Variants in KIAA0586 observed in about 807,000 individuals in gnomAD.
KIAA0586 encodes KIAA0586.
A neutral mutation model predicts 169.8 loss-of-function variants in KIAA0586; 144 were observed. The observed-to-expected ratio is 0.85, with a 90% confidence interval of 0.74 to 0.97. The LOEUF is 0.97. KIAA0586 is among the 50% of genes least tolerant of loss of function. The probability of loss-of-function intolerance (pLI) is 0.00; values close to 1 mark genes in which losing one functional copy is unlikely to be tolerated. For missense variants in KIAA0586, 1,854 were observed against 1,823.0 expected, an observed-to-expected ratio of 1.02 and a Z score of -0.31; for synonymous variants, 625 against 612.4, an observed-to-expected ratio of 1.02 and a Z score of -0.30.
At chr14:58,559,971 T>G in the KIAA0586 span, among the ~76,000 whole-genome samples, 1 of 151,994 alleles carries the variant, frequency 6.6e-6, no homozygotes, top group Admixed American at 6.6e-5. Flanking sequence ...ACTAACATGG[T>G]GAAACCCCGT....
At chr14:58,459,680 G>C (rs930019643) in intron 12 of KIAA0586, among the ~76,000 whole-genome samples, 163 bp from the exon 13 acceptor site, 1 of 151,840 alleles carries the variant, frequency 6.6e-6, no homozygotes, top group South Asian at 2.1e-4. Flanking sequence ...AGAGATTTTT[G>C]ATTTTTATAT....
At chr14:58,551,600 A>C (rs1447094214), downstream of KIAA0586, among the ~76,000 whole-genome samples, 1 of 152,076 alleles carries the variant, frequency 6.6e-6, no homozygotes, top group Non-Finnish European at 1.5e-5. Flanking sequence ...CGTCTCTACC[A>C]AAAATACAAA....
At chr14:58,481,914 C>T (rs2042052305) in intron 20 of KIAA0586, among the ~76,000 whole-genome samples, 1 of 151,688 alleles carries the variant, frequency 6.6e-6, no homozygotes, top group Non-Finnish European at 1.5e-5. Context: ...CCTGGGTTCA[C>T]GCCATCCTCC....
At chr14:58,432,317 T>G in intron 3 of KIAA0586, 71 bp from the exon 4 acceptor site, 1 of 931,398 alleles carries the variant, frequency 1.1e-6, no homozygotes, top group Non-Finnish European at 1.6e-6. Context: ...AAAAAGATTT[T>G]TTTAGTAGCT....
chr14:58,476,559 A>G (rs1017282886), intron 19 of KIAA0586, among the ~76,000 whole-genome samples: 4 of 151,830 alleles, frequency 2.6e-5, no homozygotes, highest in Admixed American at 6.6e-5. Flanking sequence ...TGAGTTTAGG[A>G]GTTCTTTTAA....
Position 58,544,741 on chromosome 14 carries a change from G to A in KIAA0586, c.4496-3040G>A, listed in dbSNP as rs551730502. On this transcript the variant is annotated intron_variant, in intron 30 of 30. Transcript: ENST00000652326. ...TGTTTTAAGTTCCTTATAGATGCTG[G>A]ATATTAGACCGTAGATTTGCTCAAA... Among the ~76,000 whole-genome samples, 11 of 152,212 alleles carry A rather than the reference G, an allele frequency of 7.2e-5. No individual in the cohort carries two copies. In the South Asian group the frequency reaches 2.3e-3, roughly 32 times the overall value.
chr14:58,469,624 A>C (rs2041045542), intron 16 of KIAA0586, among the ~76,000 whole-genome samples: 1 of 152,218 alleles, frequency 6.6e-6, no homozygotes, highest in African/African-American at 2.4e-5. Context: ...ATTAAAAGGC[A>C]AACAACACAC....
intron 26 of KIAA0586, among the ~76,000 whole-genome samples, chr14:58,498,245 C>T (rs550060568): frequency 1.3e-4 from 19 of 151,524 alleles, no homozygotes; most frequent in Non-Finnish European, 2.2e-4. Flanking sequence ...CGTGCAGTCT[C>T]GCTCACTGCA....
At chr14:58,534,662 A>T (rs140818034) in intron 29 of KIAA0586, among the ~76,000 whole-genome samples, 1 of 151,130 alleles carries the variant, frequency 6.6e-6, no homozygotes. Context: ...AGGTTTTAGG[A>T]AAAAAAAATA....
intron 30 of KIAA0586, among the ~76,000 whole-genome samples, 172 bp from the exon 31 acceptor site, chr14:58,547,609 T>C (rs966758799): frequency 1.3e-5 from 2 of 152,120 alleles, no homozygotes; most frequent in African/African-American, 4.8e-5. Context: ...GGAAGGTGTA[T>C]TTTACCTCTC....
At position 58,461,954 on chromosome 14, in the gene KIAA0586, T is replaced by C. The variant is rs370469950; in HGVS notation, c.2059+794T>C. 2.6e-5 allele frequency among the ~76,000 whole-genome samples: 4 copies of C among 152,350 alleles called. 1 individual carries two copies. ...GGTTATATACTGAGTCTGTTGACTT[T>C]GGTTATGTATTATAGTTTCTCAGCT... On this transcript the variant is annotated intron_variant, in intron 14 of 30. Coordinates refer to ENST00000652326, the MANE Select transcript of KIAA0586 (RefSeq NM_001329943.3).
chr14:58,455,467 A>G (rs756197210), intron 9 of KIAA0586, among the ~76,000 whole-genome samples: 1 of 151,462 alleles, frequency 6.6e-6, no homozygotes, highest in African/African-American at 2.4e-5. Flanking sequence ...AGATTCTTTC[A>G]CCTCCCAGAG....
chr14:58,517,406 C>T (rs998529541), intron 29 of KIAA0586, among the ~76,000 whole-genome samples: 4 of 152,048 alleles, frequency 2.6e-5, no homozygotes, highest in Non-Finnish European at 5.9e-5. Flanking sequence ...TGGGAAGATG[C>T]AAATTAAAAA....
Position 58,482,541 on chromosome 14 carries a change from G to T in KIAA0586, c.2973G>T (p.Gln991His). ...AAGGAACAAGCAGTGGCGCCCTCCA[G>T]CTTTTTGTTGATGCTGGTGTTCCTG... ...IVEGTSSGAL[Q>H]LFVDAGVPVN... The change falls in exon 21 of 31, where the codon CAG becomes CAT. Residue 991 changes from glutamine to histidine, a missense_variant. Coordinates refer to ENST00000652326, the MANE Select transcript of KIAA0586 (RefSeq NM_001329943.3). The T allele has an allele frequency of 6.4e-7, 1 of 1,555,374 alleles. No homozygotes were observed. Among genetic ancestry groups the T allele is most frequent in the South Asian group, 1.2e-5 (1 of 82,104 alleles).
At chr14:58,450,860 C>G in intron 8 of KIAA0586, 114 bp downstream of exon 8, 1 of 611,528 alleles carries the variant, frequency 1.6e-6, no homozygotes, top group Non-Finnish European at 2.8e-6. Context: ...TTTAAATGAC[C>G]CTTGCTGGGA....
intron 4 of KIAA0586, 54 bp downstream of exon 4, chr14:58,432,511 A>G: frequency 1.0e-6 from 1 of 975,750 alleles, no homozygotes; most frequent in Non-Finnish European, 1.6e-6. Flanking sequence ...AATCAGCTTC[A>G]TTTGTACTTT....
chr14:58,538,899 C>A (rs1401629890), intron 29 of KIAA0586, among the ~76,000 whole-genome samples: 1 of 152,140 alleles, frequency 6.6e-6, no homozygotes, highest in Non-Finnish European at 1.5e-5. Flanking sequence ...CCCACCTGAG[C>A]CTCCCAAGTA....
At chr14:58,484,896 A>ATATATATATTTATATATATTTT (rs2042288003) in intron 21 of KIAA0586, among the ~76,000 whole-genome samples, 1 of 5,084 alleles carries the variant, frequency 2.0e-4, no homozygotes, top group African/African-American at 6.1e-4. Flanking sequence ...ATATTTATAT[A>ATATATATATTTATATATATTTT]TATATATATA....
chr14:58,471,647 A>AT (rs994613145), intron 17 of KIAA0586, among the ~76,000 whole-genome samples: 45 of 151,186 alleles, frequency 3.0e-4, no homozygotes, highest in Admixed American at 1.3e-3. Context: ...TTTCATCAGT[A>AT]TTTTTTTTTA....
Sources: gnomAD v4.1 joint callset for allele counts (sites outside exome capture counted in the v4.1 genomes callset) on GRCh38, gnomAD v4.1.1 for gene constraint, MANE v1.5 for transcripts, NCBI Gene and HGNC (gene_info 2026-07-23, HGNC 2026-07-21) for gene names.